Variants in FDFT1 observed in about 807,000 individuals in gnomAD.
The protein encoded by FDFT1 is squalene synthase.
Under a neutral mutation model 46.8 loss-of-function variants are expected in FDFT1, and 68 were observed. That is an observed-to-expected ratio of 1.45 (90% CI 1.19 to 1.78). The LOEUF is 1.78. Among genes scored for constraint, FDFT1 ranks in the 40% most tolerant of loss-of-function variants. The pLI is 0.00. For missense variants in FDFT1, 928 were observed against 524.4 expected, an observed-to-expected ratio of 1.77 and a Z score of -7.52; for synonymous variants, 351 against 185.1, an observed-to-expected ratio of 1.90 and a Z score of -7.28.
intron 7 of FDFT1, among the ~76,000 whole-genome samples, chr8:11,835,971 T>TAAAAAAAAAAAAAAAAAAAAA (rs755611965): frequency 2.6e-4 from 17 of 64,604 alleles, no homozygotes; most frequent in Middle Eastern, 9.6e-3. Context: ...CTGTCTCTAC[T>TAAAAAAAAAAAAAAAAAAAAA]AAAAAAAAAA....
chr8:11,820,491 G>A (rs1045480484), intron 3 of FDFT1, among the ~76,000 whole-genome samples: 6 of 149,490 alleles, frequency 4.0e-5, no homozygotes, highest in African/African-American at 1.5e-4. Flanking sequence ...TTGCTGAGCT[G>A]CGGTGGGCTC....
chr8:11,815,372 T>G (rs1256355239), intron 3 of FDFT1, among the ~76,000 whole-genome samples: 1 of 152,196 alleles, frequency 6.6e-6, no homozygotes, highest in Non-Finnish European at 1.5e-5. Flanking sequence ...TATAATCCTT[T>G]GGGTATATGC....
chr8:11,828,609 C>G (rs375414664), intron 5 of FDFT1, among the ~76,000 whole-genome samples: 1 of 152,264 alleles, frequency 6.6e-6, no homozygotes, highest in Non-Finnish European at 1.5e-5. Context: ...CTTGCACACA[C>G]AGGAGCAGAG....
chr8:11,799,772 C>T (rs1470720548), upstream of FDFT1, among the ~76,000 whole-genome samples: 1 of 151,880 alleles, frequency 6.6e-6, no homozygotes, highest in Non-Finnish European at 1.5e-5. Flanking sequence ...ATGGTGAAAC[C>T]CTGTCTCAAC....
At chr8:11,808,672 G>C in intron 1 of FDFT1, 122 bp from the exon 2 acceptor site, 2 of 1,477,978 alleles carry the variant, frequency 1.4e-6, no homozygotes, top group East Asian at 2.5e-5. Context: ...GACTGGCCTC[G>C]GGGAGAGGGC....
At chr8:11,799,060 C>T (rs868323965), upstream of FDFT1, among the ~76,000 whole-genome samples, 3 of 152,164 alleles carry the variant, frequency 2.0e-5, no homozygotes, top group Admixed American at 1.3e-4. Flanking sequence ...GATGGCGGAC[C>T]TGACACATTG....
intron 3 of FDFT1, among the ~76,000 whole-genome samples, chr8:11,819,342 C>T (rs552807105): frequency 1.3e-5 from 2 of 152,208 alleles, no homozygotes; most frequent in South Asian, 2.1e-4. Context: ...TTGCGCTTCT[C>T]GAGGAATATC....
chr8:11,814,619 C>A (rs897093476), intron 3 of FDFT1, among the ~76,000 whole-genome samples: 2 of 152,074 alleles, frequency 1.3e-5, no homozygotes, highest in Admixed American at 6.5e-5. Flanking sequence ...GAACTTAAAA[C>A]AAGATATTTG....
intron 3 of FDFT1, among the ~76,000 whole-genome samples, chr8:11,818,535 C>T (rs1808781074): frequency 6.6e-6 from 1 of 152,132 alleles, no homozygotes. Flanking sequence ...CTTTATGAAT[C>T]TGGGTGCTCC....
At chr8:11,805,220 T>G (rs1247864999) in intron 1 of FDFT1, among the ~76,000 whole-genome samples, 1 of 152,198 alleles carries the variant, frequency 6.6e-6, no homozygotes, top group Admixed American at 6.5e-5. Context: ...CCAACCAGTT[T>G]CTCTCTGCAA....
intron 1 of FDFT1, chr8:11,807,957 G>GA (rs1383442424): frequency 2.0e-5 from 3 of 152,340 alleles, no homozygotes; most frequent in Non-Finnish European, 4.4e-5. Flanking sequence ...GATGGCGGGG[G>GA]AGCCGGATGT....
rs199864384 is a variant in FDFT1, at chr8:11,821,859, C to G, written c.491C>G (p.Ser164Cys). 3 of 1,613,262 alleles carry G rather than the reference C, an allele frequency of 1.9e-6. No homozygotes were observed. Among genetic ancestry groups the G allele is most frequent in the South Asian group, 2.2e-5 (2 of 91,048 alleles). ...MAEFLDKHVT[S>C]EQEWDKYCHY... ...GAGTTTTTGGATAAGCATGTGACCT[C>G]TGAACAGGAGTGGGACAAGGTTAGT... Residue 164 changes from serine (S) to cysteine (C), a missense_variant, in exon 4 of 8, where the codon TCT becomes TGT. Coordinates refer to ENST00000220584, the MANE Select transcript of FDFT1 (RefSeq NM_004462.5).
chr8:11,836,706 C>T (rs1811580701), intron 7 of FDFT1, among the ~76,000 whole-genome samples: 1 of 152,246 alleles, frequency 6.6e-6, no homozygotes, highest in Admixed American at 6.5e-5. Flanking sequence ...ATAGAATTAT[C>T]TCATCACTAT....
upstream of FDFT1, chr8:11,802,095 G>T: frequency 2.2e-6 from 1 of 455,110 alleles, no homozygotes; most frequent in South Asian, 1.6e-5. Flanking sequence ...GGACTAAGCT[G>T]GATCTCAAGT....
At chr8:11,808,401 T>C in intron 1 of FDFT1, 1 of 1,236,130 alleles carries the variant, frequency 8.1e-7, no homozygotes, top group South Asian at 3.9e-5. Flanking sequence ...GCGGGCCCGT[T>C]GTGGGTCGGC....
intron 3 of FDFT1, among the ~76,000 whole-genome samples, chr8:11,810,575 T>C (rs372741404): frequency 3.3e-5 from 5 of 152,330 alleles, no homozygotes; most frequent in Middle Eastern, 3.4e-3. Context: ...ATTAGCTATT[T>C]GGTCTATTTT....
rs1469709471 is a variant in FDFT1, at chr8:11,809,023, C to A, written c.197+132C>A. The A allele has an allele frequency of 4.3e-6, 6 of 1,399,132 alleles. No individual in the cohort carries two copies. In the African/African-American group the frequency reaches 7.2e-5, roughly 17 times the overall value. The allele number at this position is 1,399,132 out of a possible 1,614,324, so 86.7% of individuals were successfully genotyped here. On this transcript the variant is annotated intron_variant, in intron 2 of 7. Coordinates refer to ENST00000220584, the MANE Select transcript of FDFT1 (RefSeq NM_004462.5). ...GCTGTGGCTTATCCAGAACATAGCC[C>A]GGCCCTACGTGTTTACTTTAGAAAG...
At chr8:11,822,639 C>T (rs79170869) in intron 4 of FDFT1, among the ~76,000 whole-genome samples, 1,755 of 152,148 alleles carry the variant, frequency 0.012, 28 homozygotes, top group African/African-American at 0.04. Flanking sequence ...CATAGCGAGA[C>T]CCCGTCTTTC....
chr8:11,819,224 G>A (rs1027416478), intron 3 of FDFT1, among the ~76,000 whole-genome samples: 1 of 152,198 alleles, frequency 6.6e-6, no homozygotes, highest in Non-Finnish European at 1.5e-5. Context: ...TCTGCTGTTA[G>A]TCTGATGGGC....
Sources: allele counts gnomAD v4.1 joint callset (sites outside exome capture counted in the v4.1 genomes callset), GRCh38; gene constraint gnomAD v4.1.1; transcripts MANE v1.5; gene names NCBI Gene and HGNC (gene_info 2026-07-23, HGNC 2026-07-21).